Variants in WWOX observed in about 807,000 individuals in gnomAD.
The protein encoded by WWOX is WW domain containing oxidoreductase.
A neutral mutation model predicts 46.2 loss-of-function variants in WWOX; 69 were observed. The observed-to-expected ratio is 1.49, with a 90% CI of 1.23 to 1.82. The LOEUF (loss-of-function observed/expected upper bound fraction) is 1.82. Among genes scored for constraint, WWOX ranks in the 40% most tolerant of loss-of-function variants. The pLI, the probability that WWOX is intolerant of heterozygous loss-of-function variation, is 0.00. For missense variants in WWOX, 919 were observed against 542.6 expected (o/e 1.69, Z -6.89); for synonymous variants, 359 against 202.6 (o/e 1.77, Z -6.56).
intron 5 of WWOX, among the ~76,000 whole-genome samples, chr16:78,256,427 C>T (rs1041973521): frequency 6.6e-6 from 1 of 151,988 alleles, no homozygotes; most frequent in East Asian, 2.0e-4. Flanking sequence ...CTCTTAAATT[C>T]ATTGGTGAGA....
At chr16:78,333,377 T>A (rs547992290) in intron 5 of WWOX, among the ~76,000 whole-genome samples, 12 of 152,258 alleles carry the variant, frequency 7.9e-5, no homozygotes, top group African/African-American at 1.7e-4. Flanking sequence ...TTACATTTTT[T>A]AAAATTTTAT....
chr16:78,432,563 G>T lies in WWOX; in HGVS notation c.867G>T (p.Ala289=). The part of the protein sequence containing the change: ...RLSPTKNDYW[A]MLAYNRSKLC... ...CTCCAACAAAAAACGACTATTGGGC[G>T]ATGCTGGCTTATAACAGGTCCAAGC... is the stretch of plus-strand genomic sequence containing the variant. The change falls in exon 8 of 9, where the codon GCG becomes GCT. Residue 289 remains alanine (A), a synonymous_variant. Coordinates refer to ENST00000566780, the MANE Select transcript of WWOX (RefSeq NM_016373.4). 1 of 1,614,162 alleles carries T rather than the reference G, an allele frequency of 6.2e-7. No individual in the cohort carries two copies. The highest frequency in any genetic ancestry group is 8.5e-7 in the Non-Finnish European group (1 of 1,180,004).
chr16:78,985,277 G>C (rs2046762528), intron 8 of WWOX, among the ~76,000 whole-genome samples: 2 of 152,188 alleles, frequency 1.3e-5, no homozygotes, highest in African/African-American at 2.4e-5. Context: ...CTCTGTCACA[G>C]TGCATTATGT....
At chr16:79,013,625 T>C (rs973332933) in intron 8 of WWOX, among the ~76,000 whole-genome samples, 1 of 152,128 alleles carries the variant, frequency 6.6e-6, no homozygotes, top group Non-Finnish European at 1.5e-5. Flanking sequence ...GGTCCTGTGC[T>C]GCCTGGGTCC....
At chr16:78,918,764 C>A (rs567909500) in intron 8 of WWOX, among the ~76,000 whole-genome samples, 1 of 152,270 alleles carries the variant, frequency 6.6e-6, no homozygotes, top group Non-Finnish European at 1.5e-5. Context: ...AGAATTAATG[C>A]TCGGAGGAGT....
At chr16:78,565,686 A>T (rs2044547662) in intron 8 of WWOX, among the ~76,000 whole-genome samples, 1 of 152,090 alleles carries the variant, frequency 6.6e-6, no homozygotes, top group African/African-American at 2.4e-5. Flanking sequence ...TCTTGTAGGG[A>T]GTCATTATTA....
At chr16:78,613,489 C>G (rs1597348682) in intron 8 of WWOX, among the ~76,000 whole-genome samples, 1 of 152,166 alleles carries the variant, frequency 6.6e-6, no homozygotes, top group Non-Finnish European at 1.5e-5. Flanking sequence ...CCAGTTTCCT[C>G]TCCCCCTTAC....
chr16:78,673,512 C>A (rs539687334), intron 8 of WWOX, among the ~76,000 whole-genome samples: 1 of 152,188 alleles, frequency 6.6e-6, no homozygotes, highest in East Asian at 1.9e-4. Context: ...CTAGTTACAT[C>A]CCCAAGCCTT....
intron 8 of WWOX, among the ~76,000 whole-genome samples, chr16:78,702,007 T>TTACATATATATATA (rs1491150899): frequency 1.7e-4 from 10 of 57,624 alleles, no homozygotes; most frequent in South Asian, 7.5e-4. Context: ...CTACATAAAA[T>TTACATATATATATA]TATATATATA....
intron 8 of WWOX, among the ~76,000 whole-genome samples, chr16:79,195,099 T>C (rs2051212552): frequency 6.6e-6 from 1 of 152,122 alleles, no homozygotes; most frequent in Non-Finnish European, 1.5e-5. Context: ...TACCCGTATC[T>C]CAGATTTACA....
chr16:78,421,359 C>T (rs1206551772), intron 6 of WWOX, among the ~76,000 whole-genome samples: 1 of 152,076 alleles, frequency 6.6e-6, no homozygotes, highest in Non-Finnish European at 1.5e-5. Flanking sequence ...TTATCTTAGT[C>T]AGTCTAATCT....
At position 78,935,470 on chromosome 16, in the gene WWOX, C is replaced by T. The variant is rs545361112; in HGVS notation, c.1057-276138C>T. Among the ~76,000 whole-genome samples, 14 of 152,116 alleles carry T rather than the reference C, an allele frequency of 9.2e-5. No homozygotes were observed. In the South Asian group the frequency reaches 2.1e-3, roughly 23 times the overall value. ...GTCTCTTGTAGGGACATGGATGAAG[C>T]TGGAAACCATCATTCTCAGCAAACT... On this transcript the variant is annotated intron_variant, in intron 8 of 8. Coordinates refer to ENST00000566780, the MANE Select transcript of WWOX (RefSeq NM_016373.4).
chr16:78,752,979 C>T (rs983828914), intron 8 of WWOX, among the ~76,000 whole-genome samples: 7 of 152,072 alleles, frequency 4.6e-5, no homozygotes, highest in African/African-American at 1.4e-4. Flanking sequence ...CTGGTTCTTC[C>T]AGGATAGAGG....
intron 8 of WWOX, among the ~76,000 whole-genome samples, chr16:78,842,459 C>A (rs140389933): frequency 6.6e-6 from 1 of 151,782 alleles, no homozygotes; most frequent in Admixed American, 6.6e-5. Flanking sequence ...GCTAGGATCA[C>A]GCTACTTTAC....
intron 8 of WWOX, among the ~76,000 whole-genome samples, chr16:78,767,572 T>C (rs1289356446): frequency 6.6e-6 from 1 of 152,100 alleles, no homozygotes; most frequent in Non-Finnish European, 1.5e-5. Context: ...TCGATTCTTC[T>C]GCATGTATAC....
intron 4 of WWOX, among the ~76,000 whole-genome samples, chr16:78,135,905 G>C (rs563338052): frequency 6.6e-6 from 1 of 152,282 alleles, no homozygotes; most frequent in East Asian, 1.9e-4. Context: ...TATTCAGCAT[G>C]CAAATGTGGG....
At chr16:79,041,687 T>C (rs746468355) in intron 8 of WWOX, among the ~76,000 whole-genome samples, 1 of 152,044 alleles carries the variant, frequency 6.6e-6, no homozygotes, top group Non-Finnish European at 1.5e-5. Flanking sequence ...TCACTGCAAA[T>C]GGCAAGGGCA....
At chr16:78,772,067 G>C (rs2050077832) in intron 8 of WWOX, among the ~76,000 whole-genome samples, 1 of 152,052 alleles carries the variant, frequency 6.6e-6, no homozygotes, top group South Asian at 2.1e-4. Context: ...TTGGGTTCAG[G>C]GGTACATGTG....
intron 5 of WWOX, among the ~76,000 whole-genome samples, chr16:78,204,021 A>T (rs989472031): frequency 2.0e-5 from 3 of 152,120 alleles, no homozygotes; most frequent in Non-Finnish European, 2.9e-5. Flanking sequence ...GTGGCCACTG[A>T]CACGTTGTCA....
Sources: gnomAD v4.1 joint callset for allele counts (sites outside exome capture counted in the v4.1 genomes callset) on GRCh38, gnomAD v4.1.1 for gene constraint, MANE v1.5 for transcripts, NCBI Gene and HGNC (gene_info 2026-07-23, HGNC 2026-07-21) for gene names.